TNFRSF11B: variants seen among roughly 807,000 people sequenced by gnomAD.
TNFRSF11B encodes the protein TNF receptor superfamily member 11b, also known as tumor necrosis factor receptor superfamily member 11B.
In TNFRSF11B, 16 loss-of-function variants were observed where a neutral mutation model predicts 43.4. The observed-to-expected ratio is 0.37, with a 90% CI of 0.25 to 0.56. The LOEUF (loss-of-function observed/expected upper bound fraction) is 0.56, where lower values mean the gene tolerates loss of function less well. Among genes scored for constraint, TNFRSF11B ranks in the 20% least tolerant of loss-of-function variants. The pLI is 0.80. For synonymous variants in TNFRSF11B, 185 were observed against 181.8 expected, an observed-to-expected ratio of 1.02 and a Z score of -0.14; for missense variants, 444 against 490.1, an observed-to-expected ratio of 0.91 and a Z score of 0.89.
chr8:118,940,484 T>C (rs1812471729), intron 1 of TNFRSF11B, among the ~76,000 whole-genome samples: 1 of 152,172 alleles, frequency 6.6e-6, no homozygotes, highest in African/African-American at 2.4e-5. Flanking sequence ...TTAGTAACCA[T>C]GATCCCACCC....
chr8:118,933,581 T>C (rs960051671), intron 1 of TNFRSF11B, among the ~76,000 whole-genome samples: 2 of 152,210 alleles, frequency 1.3e-5, no homozygotes, highest in Admixed American at 1.3e-4. Flanking sequence ...CACTGCTGAA[T>C]TACCATGTGA....
intron 1 of TNFRSF11B, among the ~76,000 whole-genome samples, chr8:118,945,822 G>A (rs1464805007): frequency 6.6e-6 from 1 of 152,092 alleles, no homozygotes; most frequent in Admixed American, 6.6e-5. Context: ...GCTTAGATGA[G>A]TCACTGTCTT....
At chr8:118,925,533 CAT>C (rs1554617151) in intron 4 of TNFRSF11B, among the ~76,000 whole-genome samples, 4 of 152,192 alleles carry the variant, frequency 2.6e-5, no homozygotes, top group Non-Finnish European at 5.9e-5. Flanking sequence ...TTGCTCAAAA[CAT>C]AAAAGTTTAC....
intron 1 of TNFRSF11B, among the ~76,000 whole-genome samples, chr8:118,936,768 C>T (rs1232954682): frequency 6.6e-6 from 1 of 152,048 alleles, no homozygotes; most frequent in African/African-American, 2.4e-5. Context: ...CGCGCCACTG[C>T]ACTCCAGCCT....
At chr8:118,934,074 C>T (rs898995830) in intron 1 of TNFRSF11B, among the ~76,000 whole-genome samples, 3 of 152,126 alleles carry the variant, frequency 2.0e-5, no homozygotes, top group Admixed American at 6.5e-5. Flanking sequence ...TTTCTAAGCA[C>T]GGTGCTCATA....
At chr8:118,929,459 C>CT (rs570358688) in intron 2 of TNFRSF11B, among the ~76,000 whole-genome samples, 196 of 152,304 alleles carry the variant, frequency 1.3e-3, no homozygotes, top group African/African-American at 4.5e-3. Context: ...AAATTTACAA[C>CT]ATTATAATAA....
intron 1 of TNFRSF11B, among the ~76,000 whole-genome samples, chr8:118,940,860 CTT>C (rs1356225926): frequency 6.6e-6 from 1 of 152,090 alleles, no homozygotes; most frequent in Non-Finnish European, 1.5e-5. Flanking sequence ...AGTTCCATGA[CTT>C]TGTTTAGAAA....
intron 1 of TNFRSF11B, among the ~76,000 whole-genome samples, chr8:118,933,764 T>G (rs1812361155): frequency 6.7e-6 from 1 of 150,006 alleles, no homozygotes; most frequent in Admixed American, 6.6e-5. Context: ...GGATTGGGCC[T>G]GGGGATTTAA....
At chr8:118,924,914 A>C in intron 4 of TNFRSF11B, 152 bp from the exon 5 acceptor site, 1 of 907,194 alleles carries the variant, frequency 1.1e-6, no homozygotes, top group African/African-American at 1.7e-5. Context: ...AAGTGACACC[A>C]TTTATTTCTA....
At chr8:118,937,138 C>CAT (rs1489815040) in intron 1 of TNFRSF11B, among the ~76,000 whole-genome samples, 1 of 152,176 alleles carries the variant, frequency 6.6e-6, no homozygotes, top group African/African-American at 2.4e-5. Context: ...CCATTTTAAG[C>CAT]ATAAGCATCT....
intron 1 of TNFRSF11B, among the ~76,000 whole-genome samples, chr8:118,940,648 C>A (rs1812473521): frequency 6.6e-6 from 1 of 152,164 alleles, no homozygotes; most frequent in Admixed American, 6.5e-5. Flanking sequence ...AAGTGGAAGA[C>A]ATTTCAAATC....
intron 2 of TNFRSF11B, chr8:118,930,694 G>A (rs1812315804): frequency 1.1e-5 from 5 of 441,750 alleles, no homozygotes; most frequent in South Asian, 3.2e-5. Context: ...TTACAGATGT[G>A]AGCCACCGTG....
At chr8:118,931,181 G>T (rs996340762) in intron 2 of TNFRSF11B, among the ~76,000 whole-genome samples, 2 of 152,078 alleles carry the variant, frequency 1.3e-5, no homozygotes, top group African/African-American at 4.8e-5. Context: ...ACAACAAAAC[G>T]GTTATTAAAT....
At chr8:118,925,176 G>A (rs1006400558) in intron 4 of TNFRSF11B, among the ~76,000 whole-genome samples, 8 of 152,164 alleles carry the variant, frequency 5.3e-5, no homozygotes, top group Non-Finnish European at 1.2e-4. Flanking sequence ...GTTAATTGCC[G>A]TAACTAGCCT....
chr8:118,951,765 C>CA, intron 1 of TNFRSF11B, 27 bp downstream of exon 1: 3 of 1,578,480 alleles, frequency 1.9e-6, no homozygotes, highest in Non-Finnish European at 2.6e-6. Flanking sequence ...AGGCGCCGGG[C>CA]ACCCGTCGGC....
chr8:118,941,462 C>T (rs753671526), intron 1 of TNFRSF11B, among the ~76,000 whole-genome samples: 89 of 152,288 alleles, frequency 5.8e-4, no homozygotes, highest in Non-Finnish European at 1.2e-3. Context: ...TTAGATGAGT[C>T]ACTGGGCCAA....
chr8:118,942,107 T>C (rs1220298704), intron 1 of TNFRSF11B, among the ~76,000 whole-genome samples: 1 of 152,136 alleles, frequency 6.6e-6, no homozygotes, highest in Non-Finnish European at 1.5e-5. Context: ...CTAGGGTACA[T>C]GTGCACAACA....
chr8:118,926,619 T>C lies in TNFRSF11B; in HGVS notation c.692A>G (p.Lys231Arg), dbSNP rs781066936. 1 of 1,614,128 alleles carries C rather than the reference T, an allele frequency of 6.2e-7. No individual in the cohort carries two copies. Among genetic ancestry groups the C allele is most frequent in the Non-Finnish European group, 8.5e-7 (1 of 1,180,002 alleles). ...CCTCTCTACACTCTCTGCGTTTACT[T>C]TGGTGCCAGGCAAATTGTCTACCAA... ...SVLVDNLPGT[K>R]VNAESVERIK... Residue 231 changes from lysine to arginine, a missense_variant, in exon 4 of 5, where the codon AAA (lysine) becomes AGA (arginine). By Grantham distance (26) the Lys-to-Arg change is conservative. Transcript: ENST00000297350.
intron 2 of TNFRSF11B, among the ~76,000 whole-genome samples, chr8:118,929,980 A>G (rs780873963): frequency 2.6e-5 from 4 of 152,222 alleles, no homozygotes; most frequent in Non-Finnish European, 4.4e-5. Flanking sequence ...CAGAAAATAA[A>G]AAAAGGGGCA....
Sources: gnomAD v4.1 joint callset for allele counts (sites outside exome capture counted in the v4.1 genomes callset) on GRCh38, gnomAD v4.1.1 for gene constraint, MANE v1.5 for transcripts, NCBI Gene and HGNC (gene_info 2026-07-23, HGNC 2026-07-21) for gene names.